HDAC9: variants seen among roughly 807,000 people sequenced by gnomAD.
HDAC9 encodes MEF-2 interacting transcription repressor (MITR) protein.
Under a neutral mutation model 139.4 loss-of-function variants are expected in HDAC9, and 41 were observed. That is an observed-to-expected ratio of 0.29 (90% CI 0.23 to 0.38). The LOEUF is 0.38. HDAC9 is among the 10% of genes least tolerant of loss of function. The pLI is 1.00. For synonymous variants in HDAC9, 517 were observed against 476.2 expected, an observed-to-expected ratio of 1.09 and a Z score of -1.12; for missense variants, 1,147 against 1,297.0, an observed-to-expected ratio of 0.88 and a Z score of 1.78.
At chr7:18,331,808 G>C (rs1213450447) in intron 1 of HDAC9, among the ~76,000 whole-genome samples, 1 of 151,518 alleles carries the variant, frequency 6.6e-6, no homozygotes, top group African/African-American at 2.4e-5. Context: ...CTATATCATA[G>C]CATTTTTGTC....
chr7:18,747,396 C>T (rs1211204850), intron 13 of HDAC9, among the ~76,000 whole-genome samples: 1 of 152,138 alleles, frequency 6.6e-6, no homozygotes, highest in Admixed American at 6.5e-5. Flanking sequence ...ATGAATAATT[C>T]AAGATCTGTT....
At chr7:18,657,764 A>T (rs1468066353) in intron 11 of HDAC9, among the ~76,000 whole-genome samples, 1 of 152,142 alleles carries the variant, frequency 6.6e-6, no homozygotes, top group African/African-American at 2.4e-5. Flanking sequence ...AGCCAGAATG[A>T]TCATTTCAAA....
intron 2 of HDAC9, among the ~76,000 whole-genome samples, chr7:18,530,125 A>G (rs1808393879): frequency 3.3e-5 from 5 of 151,978 alleles, no homozygotes; most frequent in Admixed American, 3.3e-4. Context: ...ACGTAAATAG[A>G]AATAAAAATA....
rs563376137 is a variant in HDAC9, at chr7:18,799,583, A to T, written c.2322+6131A>T. On this transcript the variant is annotated intron_variant, in intron 17 of 25. Transcript: ENST00000686413. ...ACAGAATACTAATAAAGACACAGAC[A>T]TTGTTAAAATAAAAGAACCAAGGAA... Among the ~76,000 whole-genome samples the T allele has an allele frequency of 2.6e-5, 4 of 152,370 alleles. No homozygotes were observed. In the South Asian group the frequency reaches 8.3e-4, roughly 32 times the overall value.
intron 24 of HDAC9, among the ~76,000 whole-genome samples, chr7:18,961,923 G>A (rs1368056498): frequency 6.6e-6 from 1 of 151,952 alleles, no homozygotes. Context: ...GCAATTTTTG[G>A]GTTGAGTTTT....
At chr7:18,169,462 T>C (rs1788252060) in intron 2 of HDAC9, among the ~76,000 whole-genome samples, 1 of 151,268 alleles carries the variant, frequency 6.6e-6, no homozygotes, top group Non-Finnish European at 1.5e-5. Context: ...TTTTTTTTTC[T>C]TTTTTTTTAA....
chr7:18,689,707 G>C (rs572211448), intron 12 of HDAC9, among the ~76,000 whole-genome samples: 48 of 151,942 alleles, frequency 3.2e-4, no homozygotes, highest in Admixed American at 1.4e-3. Flanking sequence ...TTGGGCTTAC[G>C]GCCATTAGGA....
intron 21 of HDAC9, among the ~76,000 whole-genome samples, chr7:18,857,604 C>T (rs916637012): frequency 2.0e-5 from 3 of 152,042 alleles, no homozygotes; most frequent in Admixed American, 6.6e-5. Flanking sequence ...TTAATGAACG[C>T]ATCCCTTTGA....
chr7:18,887,568 A>G (rs1371520153), intron 22 of HDAC9, among the ~76,000 whole-genome samples: 1 of 152,226 alleles, frequency 6.6e-6, no homozygotes, highest in Non-Finnish European at 1.5e-5. Flanking sequence ...ATGCTTTGCA[A>G]AATGTGACAC....
At chr7:18,599,015 A>G (rs2128866869) in intron 6 of HDAC9, among the ~76,000 whole-genome samples, 1 of 152,312 alleles carries the variant, frequency 6.6e-6, no homozygotes. Context: ...GTCTCTTAAC[A>G]AATAAAATAA....
At chr7:18,286,264 C>T (rs955213091), upstream of HDAC9, among the ~76,000 whole-genome samples, 4 of 151,826 alleles carry the variant, frequency 2.6e-5, no homozygotes, top group African/African-American at 9.7e-5. Context: ...AAGGTAATAT[C>T]TCTAAAAATT....
At chr7:18,678,002 G>A (rs1417997313) in intron 12 of HDAC9, among the ~76,000 whole-genome samples, 1 of 151,820 alleles carries the variant, frequency 6.6e-6, no homozygotes, top group East Asian at 1.9e-4. Context: ...AAGACAGGTT[G>A]AGTTTCATTA....
At chr7:18,585,561 T>A in intron 3 of HDAC9, 39 bp downstream of exon 3, 1 of 1,605,136 alleles carries the variant, frequency 6.2e-7, no homozygotes, top group South Asian at 1.1e-5. Context: ...TACTCAGGAG[T>A]CTGCACCGTG....
intron 1 of HDAC9, among the ~76,000 whole-genome samples, chr7:18,094,388 A>G (rs1782364684): frequency 6.6e-6 from 1 of 151,758 alleles, no homozygotes; most frequent in African/African-American, 2.4e-5. Flanking sequence ...ACTTCTTAGC[A>G]TGACACAAGT....
chr7:18,608,160 G>T (rs1836050728), intron 6 of HDAC9, among the ~76,000 whole-genome samples: 1 of 152,086 alleles, frequency 6.6e-6, no homozygotes, highest in South Asian at 2.1e-4. Context: ...CTTACCTAAT[G>T]AAGTAAATTA....
At chr7:18,692,672 A>G (rs773496988) in intron 12 of HDAC9, among the ~76,000 whole-genome samples, 1 of 152,146 alleles carries the variant, frequency 6.6e-6, no homozygotes, top group Non-Finnish European at 1.5e-5. Context: ...TCTAGTTAGT[A>G]TATAATACTT....
chr7:18,755,824 A>G (rs1788826941), intron 14 of HDAC9, among the ~76,000 whole-genome samples: 1 of 152,142 alleles, frequency 6.6e-6, no homozygotes, highest in Non-Finnish European at 1.5e-5. Context: ...ACTTTAAAAT[A>G]AGTCGTAGTG....
At chr7:18,967,781 C>G (rs940229716) in intron 24 of HDAC9, among the ~76,000 whole-genome samples, 1 of 152,036 alleles carries the variant, frequency 6.6e-6, no homozygotes, top group African/African-American at 2.4e-5. Context: ...AAGCTACTGT[C>G]AAAATTTTAA....
At chr7:18,477,324 G>A (rs76190481) in intron 1 of HDAC9, among the ~76,000 whole-genome samples, 21 of 152,094 alleles carry the variant, frequency 1.4e-4, no homozygotes, top group Non-Finnish European at 2.1e-4. Flanking sequence ...TCCCCACTAA[G>A]TCACAGTTTA....
Sources: allele counts gnomAD v4.1 joint callset (sites outside exome capture counted in the v4.1 genomes callset), GRCh38; gene constraint gnomAD v4.1.1; transcripts MANE v1.5; gene names NCBI Gene and HGNC (gene_info 2026-07-23, HGNC 2026-07-21).